RNF185: variants seen among roughly 807,000 people sequenced by gnomAD.
The protein encoded by RNF185 is E3 ubiquitin-protein ligase RNF185.
Under a neutral mutation model 24.9 loss-of-function variants are expected in RNF185, and 13 were observed. The ratio of observed to expected loss-of-function variants is 0.52; its 90% CI spans 0.34 to 0.83. RNF185 has a LOEUF of 0.83. Among genes scored for constraint, RNF185 ranks in the 40% least tolerant of loss-of-function variants. The pLI is 0.01. For missense variants in RNF185, 184 were observed against 244.7 expected, an observed-to-expected ratio of 0.75 and a Z score of 1.65; for synonymous variants, 79 against 90.3, an observed-to-expected ratio of 0.88 and a Z score of 0.71.
At chr22:31,201,264 T>G (rs2048260847) in intron 5 of RNF185, among the ~76,000 whole-genome samples, 1 of 152,220 alleles carries the variant, frequency 6.6e-6, no homozygotes, top group Admixed American at 6.5e-5. Context: ...TTTGGCCCAT[T>G]CATAGATTCT....
At chr22:31,161,396 TC>T (rs1211485496) in intron 1 of RNF185, among the ~76,000 whole-genome samples, 1 of 152,196 alleles carries the variant, frequency 6.6e-6, no homozygotes, top group Non-Finnish European at 1.5e-5. Flanking sequence ...TTTTGACACT[TC>T]CATCACTTTA....
intron 4 of RNF185, among the ~76,000 whole-genome samples, chr22:31,195,949 G>C (rs2048201684): frequency 6.6e-6 from 1 of 152,132 alleles, no homozygotes; most frequent in Non-Finnish European, 1.5e-5. Context: ...TGGAGTTTGG[G>C]ATTTCTAGAA....
At chr22:31,192,597 C>A in intron 2 of RNF185, 87 bp from the exon 3 acceptor site, 1 of 1,126,944 alleles carries the variant, frequency 8.9e-7, no homozygotes, top group Non-Finnish European at 1.4e-6. Context: ...CTCCACCCAT[C>A]AAGTGTTTCT....
chr22:31,198,690 C>T lies in RNF185; in HGVS notation c.363+1700C>T, dbSNP rs551621686. Among the ~76,000 whole-genome samples the T allele has an allele frequency of 1.4e-4, 20 of 143,572 alleles. No homozygotes were observed. In the East Asian group the frequency reaches 2.7e-3, roughly 19 times the overall value. 94.2% of individuals were successfully genotyped at this position (143,572 alleles called of 152,430 possible). On this transcript the variant is annotated intron_variant, in intron 5 of 6. Transcript: ENST00000326132. Reference sequence around the variant, plus strand: ...CTGGGATTACAGGCGTGAGCCACCGCGCACTGCCACTTTCTTTTTTTTTTT... The same window carrying T: ...CTGGGATTACAGGCGTGAGCCACCGTGCACTGCCACTTTCTTTTTTTTTTT...
chr22:31,164,634 G>A (rs920515940), intron 1 of RNF185, among the ~76,000 whole-genome samples: 3 of 139,106 alleles, frequency 2.2e-5, no homozygotes, highest in African/African-American at 8.3e-5. Flanking sequence ...TGTCACCCAG[G>A]CTGGAATACA....
chr22:31,160,351 G>C (rs1378193323), intron 1 of RNF185, 48 bp downstream of exon 1: 1 of 152,230 alleles, frequency 6.6e-6, no homozygotes, highest in African/African-American at 2.4e-5. Context: ...GTTTAGGGAC[G>C]GGGGCGGGAG....
At chr22:31,189,829 C>T (rs972187071) in intron 2 of RNF185, among the ~76,000 whole-genome samples, 1 of 151,722 alleles carries the variant, frequency 6.6e-6, no homozygotes, top group Non-Finnish European at 1.5e-5. Context: ...CTTCTGACCT[C>T]GTTATCTGCC....
chr22:31,184,415 G>C (rs538012407), intron 1 of RNF185, among the ~76,000 whole-genome samples: 1 of 150,674 alleles, frequency 6.6e-6, no homozygotes, highest in Non-Finnish European at 1.5e-5. Context: ...GGGGAGAGGC[G>C]CTCCTCACTT....
chr22:31,201,405 A>G, intron 5 of RNF185, 93 bp from the exon 6 acceptor site: 2 of 892,646 alleles, frequency 2.2e-6, no homozygotes, highest in Non-Finnish European at 3.8e-6. Flanking sequence ...GGCAGGTGCC[A>G]CATGCAAGAC....
At chr22:31,187,677 A>G (rs1321638928) in intron 2 of RNF185, among the ~76,000 whole-genome samples, 1 of 152,194 alleles carries the variant, frequency 6.6e-6, no homozygotes, top group African/African-American at 2.4e-5. Context: ...CTCATTTTAC[A>G]GGGTCGTTTG....
At chr22:31,199,524 C>T (rs757732491) in intron 5 of RNF185, among the ~76,000 whole-genome samples, 17 of 152,178 alleles carry the variant, frequency 1.1e-4, no homozygotes, top group East Asian at 5.8e-4. Context: ...CAGCTACTAG[C>T]GATGTTTTTT....
At chr22:31,196,749 C>T (rs1402686743) in intron 4 of RNF185, among the ~76,000 whole-genome samples, 187 bp from the exon 5 acceptor site, 3 of 152,188 alleles carry the variant, frequency 2.0e-5, no homozygotes, top group African/African-American at 4.8e-5. Context: ...GTTCTCTATA[C>T]ACGTGGGAAG....
At chr22:31,184,781 G>A (rs542395470) in intron 1 of RNF185, among the ~76,000 whole-genome samples, 25 of 151,806 alleles carry the variant, frequency 1.6e-4, no homozygotes, top group Non-Finnish European at 2.2e-4. Flanking sequence ...CAGGTGTGGC[G>A]GCGCGCGCCT....
At chr22:31,200,677 C>T (rs940147041) in intron 5 of RNF185, among the ~76,000 whole-genome samples, 3 of 152,172 alleles carry the variant, frequency 2.0e-5, no homozygotes, top group Non-Finnish European at 4.4e-5. Context: ...ATATACCAAA[C>T]TGCTGATAGT....
chr22:31,164,782 C>T (rs574629931), intron 1 of RNF185, among the ~76,000 whole-genome samples: 1 of 152,020 alleles, frequency 6.6e-6, no homozygotes, highest in East Asian at 1.9e-4. Flanking sequence ...AGTGGGGTTT[C>T]ACCATGTTGG....
intron 2 of RNF185, among the ~76,000 whole-genome samples, chr22:31,188,925 C>T (rs1568968777): frequency 1.3e-5 from 2 of 149,228 alleles, no homozygotes; most frequent in Non-Finnish European, 3.0e-5. Flanking sequence ...TCGAGACCAT[C>T]CTGGCTAACA....
intron 1 of RNF185, among the ~76,000 whole-genome samples, chr22:31,172,748 CAAA>C (rs35573590): frequency 1.0e-5 from 1 of 97,708 alleles, no homozygotes; most frequent in East Asian, 4.9e-4. Context: ...GACCCCGTCT[CAAA>C]AAAAAAAAAA....
intron 1 of RNF185, among the ~76,000 whole-genome samples, chr22:31,170,440 T>C (rs1328337899): frequency 3.3e-5 from 5 of 152,108 alleles, no homozygotes; most frequent in Non-Finnish European, 4.4e-5. Context: ...CCACCCGCCT[T>C]GGCCTCCCAA....
In RNF185 at chr22:31,187,907, C is replaced by A. The variant is rs1322550562; in HGVS notation, c.176+637C>A. On this transcript the variant is annotated intron_variant, in intron 2 of 6. Transcript: ENST00000326132. ...GAGAACCTAGGTGCTAGGTGAAGGT[C>A]GGATTTTGGTTTTTTGTGTGTGTGT... Among the ~76,000 whole-genome samples the A allele has an allele frequency of 2.2e-5, 3 of 135,958 alleles. No individual in the cohort carries two copies. In the South Asian group the frequency reaches 7.3e-4, roughly 33 times the overall value. 89.2% of individuals were successfully genotyped at this position (135,958 alleles called of 152,430 possible).
Sources: allele counts gnomAD v4.1 joint callset (sites outside exome capture counted in the v4.1 genomes callset), GRCh38; gene constraint gnomAD v4.1.1; transcripts MANE v1.5; gene names NCBI Gene and HGNC (gene_info 2026-07-23, HGNC 2026-07-21).